LRRC8B: variants seen among roughly 807,000 people sequenced by gnomAD.
LRRC8B encodes the protein leucine rich repeat containing 8 VRAC subunit B.
In LRRC8B, 23 loss-of-function variants were observed where a neutral mutation model predicts 58.8. The observed-to-expected ratio is 0.39, with a 90% confidence interval of 0.28 to 0.55. LRRC8B has a LOEUF of 0.55. Ranked by LOEUF, LRRC8B falls within the 20% of genes least tolerant of loss-of-function variation. The pLI, the probability that LRRC8B is intolerant of heterozygous loss-of-function variation, is 0.62. For synonymous variants in LRRC8B, 359 were observed against 374.1 expected (o/e 0.96, Z 0.47); for missense variants, 694 against 936.0 (o/e 0.74, Z 3.37).
rs1476068525 is a variant in LRRC8B at position 89,595,019 on chromosome 1, A to G, written c.*1976A>G. 3 of 152,248 alleles carry G rather than the reference A, an allele frequency of 2.0e-5. No homozygotes were observed. The highest frequency in any genetic ancestry group is 7.2e-5 in the African/African-American group (3 of 41,462). The allele number at this position is 152,248 out of a possible 1,614,324, so 9.4% of individuals were successfully genotyped here. A position where few individuals can be genotyped will look rare whatever the true frequency, so the allele number is the denominator to read the frequency against. ...CTCACCTGCCACACACTCCTGCACTAAAGTTCAAAGAAAAGAATTATTCAA... is the reference window on the plus strand; with the variant it reads ...CTCACCTGCCACACACTCCTGCACTGAAGTTCAAAGAAAAGAATTATTCAA... On this transcript the variant is annotated 3_prime_UTR_variant, in exon 6 of 6. Transcript: ENST00000330947.
intron 1 of LRRC8B, among the ~76,000 whole-genome samples, chr1:89,542,183 A>G (rs968539540): frequency 6.6e-6 from 1 of 152,100 alleles, no homozygotes; most frequent in African/African-American, 2.4e-5. Flanking sequence ...TTCTGCACCT[A>G]CCTTTAGCTA....
chr1:89,565,195 A>C (rs1005701476), intron 1 of LRRC8B, among the ~76,000 whole-genome samples: 6 of 152,322 alleles, frequency 3.9e-5, no homozygotes, highest in Admixed American at 3.9e-4. Context: ...TTTGATGTGC[A>C]GCATGCTTGT....
intron 1 of LRRC8B, among the ~76,000 whole-genome samples, chr1:89,563,771 A>G (rs1422496189): frequency 2.0e-5 from 3 of 152,190 alleles, no homozygotes; most frequent in African/African-American, 2.4e-5. Context: ...TTAATTCTTA[A>G]AACAACTCCA....
At chr1:89,578,212 T>G (rs1174720378) in intron 3 of LRRC8B, among the ~76,000 whole-genome samples, 2 of 152,206 alleles carry the variant, frequency 1.3e-5, no homozygotes, top group Non-Finnish European at 2.9e-5. Flanking sequence ...GAAAGTATAT[T>G]TCTAATATTT....
intron 5 of LRRC8B, among the ~76,000 whole-genome samples, chr1:89,592,436 C>A (rs1655044895): frequency 6.6e-6 from 1 of 152,102 alleles, no homozygotes; most frequent in Non-Finnish European, 1.5e-5. Context: ...TATGATTTTT[C>A]TTACTGGTTT....
rs1399248440 is a variant in LRRC8B, at chr1:89,595,473, A to G, written c.*2430A>G. The G allele has an allele frequency of 1.3e-5, 2 of 152,040 alleles. No homozygotes were observed. Among genetic ancestry groups the G allele is most frequent in the Non-Finnish European group, 2.9e-5 (2 of 67,900 alleles). 9.4% of individuals were successfully genotyped at this position (152,040 alleles called of 1,614,324 possible). A position where few individuals can be genotyped will look rare whatever the true frequency, so the allele number is the denominator to read the frequency against. ...TACCATTCACCTGACGAACTTCTCC[A>G]TGGCTCGTCACTGGTTTGGTTCAAC... On this transcript the variant is annotated 3_prime_UTR_variant, in exon 6 of 6. Coordinates refer to ENST00000330947, the MANE Select transcript of LRRC8B (RefSeq NM_001369817.2).
chr1:89,534,535 A>ACG (rs962621356), intron 1 of LRRC8B, among the ~76,000 whole-genome samples: 6 of 152,000 alleles, frequency 3.9e-5, no homozygotes, highest in Non-Finnish European at 7.4e-5. Flanking sequence ...ACACACACAC[A>ACG]CACACTCAGT....
rs574133527 is a variant in LRRC8B, at chr1:89,577,768, A to G, written c.-124-1823A>G. On this transcript the variant is annotated intron_variant, in intron 3 of 5. Coordinates refer to ENST00000330947, the MANE Select transcript of LRRC8B (RefSeq NM_001369817.2). Reference sequence around the variant, plus strand: ...GGAAAATGTTTAGCTGAGAAAGTAGATTATATGTAACGGAAGACATTACAG... The same window carrying G: ...GGAAAATGTTTAGCTGAGAAAGTAGGTTATATGTAACGGAAGACATTACAG... Among the ~76,000 whole-genome samples, 8 of 152,350 alleles carry G rather than the reference A, an allele frequency of 5.3e-5. No homozygotes were observed. In the South Asian group the frequency reaches 6.2e-4, roughly 12 times the overall value.
intron 5 of LRRC8B, among the ~76,000 whole-genome samples, chr1:89,589,725 G>A (rs1194276608): frequency 1.3e-5 from 2 of 151,082 alleles, no homozygotes; most frequent in African/African-American, 4.9e-5. Flanking sequence ...TTGGACTTTA[G>A]GGTTTGGTAA....
Position 89,583,559 on chromosome 1 carries a change from G to A in LRRC8B, c.909G>A (p.Gln303=). The A allele has an allele frequency of 6.8e-6, 11 of 1,611,644 alleles. No individual in the cohort carries two copies. The highest frequency in any genetic ancestry group is 8.5e-6 in the Non-Finnish European group (10 of 1,180,038). The change falls in exon 5 of 6, where the codon CAG becomes CAA. Residue 303 remains glutamine (Q), a synonymous_variant. Coordinates refer to ENST00000330947, the MANE Select transcript of LRRC8B (RefSeq NM_001369817.2). This position sits in a 1 kb window ranked among gnomAD's most constrained non-coding sequence, Gnocchi z 5.2. Reference sequence around the variant, plus strand: ...CTTTTACAGGATATAAGCGCTACCAGTGTGTCTATTCCTTGGCAGAAATCT... The same window carrying A: ...CTTTTACAGGATATAAGCGCTACCAATGTGTCTATTCCTTGGCAGAAATCT... The part of the protein sequence containing the change: ...VQAFTGYKRY[Q]CVYSLAEIFK...
At chr1:89,546,451 A>G (rs760012417) in intron 1 of LRRC8B, among the ~76,000 whole-genome samples, 1 of 152,186 alleles carries the variant, frequency 6.6e-6, no homozygotes, top group Non-Finnish European at 1.5e-5. Context: ...CAATGGTGGG[A>G]TATATCAAGC....
intron 1 of LRRC8B, among the ~76,000 whole-genome samples, chr1:89,525,419 A>G (rs1275195232): frequency 6.6e-6 from 1 of 152,242 alleles, no homozygotes; most frequent in Non-Finnish European, 1.5e-5. Flanking sequence ...GTCTCGCTCC[A>G]GATGAGCGCA....
chr1:89,581,834 C>CT (rs1272250924), intron 4 of LRRC8B, among the ~76,000 whole-genome samples: 69 of 152,264 alleles, frequency 4.5e-4, no homozygotes, highest in East Asian at 1.2e-3. Context: ...TTTAAATACT[C>CT]TAAGTTTTTT....
At chr1:89,566,017 C>G (rs893013470) in intron 1 of LRRC8B, among the ~76,000 whole-genome samples, 2 of 152,132 alleles carry the variant, frequency 1.3e-5, no homozygotes, top group Non-Finnish European at 2.9e-5. Flanking sequence ...TCAGTAGGTA[C>G]TATTTTTGTT....
chr1:89,543,821 T>C (rs1238115013), intron 1 of LRRC8B, among the ~76,000 whole-genome samples: 1 of 151,738 alleles, frequency 6.6e-6, no homozygotes, highest in Non-Finnish European at 1.5e-5. Flanking sequence ...GGGGTCTTGC[T>C]CTGTTGCCCA....
At chr1:89,544,136 A>C (rs536368687) in intron 1 of LRRC8B, among the ~76,000 whole-genome samples, 2 of 152,300 alleles carry the variant, frequency 1.3e-5, no homozygotes, top group South Asian at 4.1e-4. Context: ...ATGCAGAACA[A>C]GGTGTAAGAA....
chr1:89,562,049 A>T (rs1225753749), intron 1 of LRRC8B, among the ~76,000 whole-genome samples: 1 of 151,996 alleles, frequency 6.6e-6, no homozygotes, highest in East Asian at 1.9e-4. Flanking sequence ...ATGTGGATGG[A>T]TGGATGGATT....
chr1:89,552,267 A>G (rs1282072453), intron 1 of LRRC8B, among the ~76,000 whole-genome samples: 1 of 152,210 alleles, frequency 6.6e-6, no homozygotes, highest in Admixed American at 6.6e-5. Flanking sequence ...ATAATTAGTA[A>G]ATGAGAATAT....
In LRRC8B at chr1:89,530,780, C is replaced by CCCT. The variant is rs529768222; in HGVS notation, c.-241+5761_-241+5763dup. ...CGGGTGGACAACCCCAACGGCCGGT[C>CCCT]CCTCCGTACCTTTCCATTTTGCACA... On this transcript the variant is annotated intron_variant, in intron 1 of 5. Transcript: ENST00000330947. Among the ~76,000 whole-genome samples, 12 of 152,234 alleles carry CCCT rather than the reference C, an allele frequency of 7.9e-5. No individual in the cohort carries two copies. In the South Asian group the frequency reaches 2.3e-3, roughly 29 times the overall value.
Sources: allele counts gnomAD v4.1 joint callset (sites outside exome capture counted in the v4.1 genomes callset), GRCh38; gene constraint gnomAD v4.1.1; non-coding constraint Gnocchi (gnomAD v3.1); transcripts MANE v1.5; gene names NCBI Gene and HGNC (gene_info 2026-07-23, HGNC 2026-07-21).